AGTPBP1: variants seen among roughly 807,000 people sequenced by gnomAD.
AGTPBP1 encodes the protein cytosolic carboxypeptidase 1.
AGTPBP1 carries 70 observed loss-of-function variants against 143.9 expected under a neutral mutation model. That is an observed-to-expected ratio of 0.49 (90% CI 0.40 to 0.59). AGTPBP1 has a LOEUF of 0.59. AGTPBP1 is among the 20% of genes least tolerant of loss of function. The pLI, the probability that AGTPBP1 is intolerant of heterozygous loss-of-function variation, is 0.00. For missense variants in AGTPBP1, 1,229 were observed against 1,464.5 expected, an observed-to-expected ratio of 0.84 and a Z score of 2.62; for synonymous variants, 463 against 500.2, an observed-to-expected ratio of 0.93 and a Z score of 0.99.
chr9:85,663,987 T>C (rs542625406), intron 8 of AGTPBP1, among the ~76,000 whole-genome samples: 15 of 152,136 alleles, frequency 9.9e-5, no homozygotes, highest in African/African-American at 3.6e-4. Context: ...AAGGAATAAA[T>C]TTTTGATATG....
At position 85,741,763 on chromosome 9, in the gene AGTPBP1, C is replaced by A; in HGVS notation, c.-34+12G>T. 7.6e-7 allele frequency: 1 copy of A among 1,324,480 alleles called. No homozygotes were observed. Among genetic ancestry groups the A allele is most frequent in the Non-Finnish European group, 9.6e-7 (1 of 1,040,482 alleles). 82.0% of individuals were successfully genotyped at this position (1,324,480 alleles called of 1,614,324 possible). On this transcript the variant is annotated intron_variant, in intron 1 of 25. Coordinates refer to ENST00000357081, the MANE Select transcript of AGTPBP1 (RefSeq NM_001330701.2). ...GCCGGCCGGGACATGAGGACTGCAG[C>A]AGGGCGCTCACCGGCTCAGGATGGG...
intron 1 of AGTPBP1, among the ~76,000 whole-genome samples, chr9:85,728,560 A>T (rs1208463614): frequency 1.3e-5 from 2 of 152,214 alleles, no homozygotes; most frequent in Non-Finnish European, 2.9e-5. Flanking sequence ...GCAAGGAGGA[A>T]CTGTCTCATG....
At chr9:85,623,592 C>T (rs1410196606) in intron 14 of AGTPBP1, among the ~76,000 whole-genome samples, 2 of 151,930 alleles carry the variant, frequency 1.3e-5, no homozygotes, top group African/African-American at 4.8e-5. Context: ...CCCATCTCTA[C>T]TAAAAAATAC....
At chr9:85,736,448 C>T (rs1483317974) in intron 1 of AGTPBP1, among the ~76,000 whole-genome samples, 1 of 152,136 alleles carries the variant, frequency 6.6e-6, no homozygotes, top group Non-Finnish European at 1.5e-5. Flanking sequence ...ATCCTCCTGG[C>T]TATTCGAAAG....
At chr9:85,600,324 C>T (rs1444246662) in intron 17 of AGTPBP1, among the ~76,000 whole-genome samples, 2 of 152,092 alleles carry the variant, frequency 1.3e-5, no homozygotes, top group African/African-American at 4.8e-5. Context: ...CACCATAACA[C>T]AAAACTCATT....
At position 85,693,547 on chromosome 9, in the gene AGTPBP1, G is replaced by A. The variant is rs143016097; in HGVS notation, c.33-734C>T. Among the ~76,000 whole-genome samples, 300 of 152,244 alleles carry A rather than the reference G, an allele frequency of 2.0e-3. 2 individuals are homozygous for A. The East Asian group carries it at 0.024, about 12-fold the overall frequency. On this transcript the variant is annotated intron_variant, in intron 2 of 25. Transcript: ENST00000357081. ...CAGGAGGCGGAGGTTGCAGTGAGCT[G>A]AGATCATGCCATTGCACTCCAGCCT... is the stretch of plus-strand genomic sequence containing the variant.
chr9:85,790,439 T>C, the AGTPBP1 span, among the ~76,000 whole-genome samples: 1 of 152,194 alleles, frequency 6.6e-6, no homozygotes, highest in Non-Finnish European at 1.5e-5. Context: ...CCCTGGAATG[T>C]ACTGCATACA....
chr9:85,677,281 TATC>T (rs1165193138), intron 6 of AGTPBP1, among the ~76,000 whole-genome samples, 152 bp downstream of exon 6: 1 of 152,196 alleles, frequency 6.6e-6, no homozygotes, highest in African/African-American at 2.4e-5. Context: ...TTTATCAAAA[TATC>T]ATGTGTACCC....
At chr9:85,580,193 C>T (rs1456457030) in intron 23 of AGTPBP1, among the ~76,000 whole-genome samples, 3 of 149,892 alleles carry the variant, frequency 2.0e-5, no homozygotes, top group Non-Finnish European at 4.4e-5. Flanking sequence ...GCCGAGATTG[C>T]ACCATTGCAC....
Position 85,585,586 on chromosome 9 carries a change from A to C in AGTPBP1, c.3042T>G (p.Cys1014Trp). 1 of 1,593,506 alleles carries C rather than the reference A, an allele frequency of 6.3e-7. No homozygotes were observed. Among genetic ancestry groups the C allele is most frequent in the East Asian group, 2.3e-5 (1 of 44,366 alleles). Residue 1014 changes from cysteine (C) to tryptophan (W), a missense_variant, in exon 23 of 26, where the codon TGT becomes TGG. Physicochemically the swap from Cys to Trp is radical, Grantham distance 215 (BLOSUM62 -2). Coordinates refer to ENST00000357081, the MANE Select transcript of AGTPBP1 (RefSeq NM_001330701.2). ...TCTTTCGGGAATGGCCATGATAATC[A>C]CAATAAACCTTGAAAATATATATTT... The part of the protein sequence containing the change: ...AAVKRLPLVY[C>W]DYHGHSRKKN...
intron 2 of AGTPBP1, among the ~76,000 whole-genome samples, chr9:85,705,531 A>G (rs1836930273): frequency 6.6e-6 from 1 of 152,164 alleles, no homozygotes; most frequent in Non-Finnish European, 1.5e-5. Flanking sequence ...AAAGAAAAAA[A>G]GAAGTAGAAA....
chr9:85,630,056 C>T (rs138812438), intron 14 of AGTPBP1, among the ~76,000 whole-genome samples: 161 of 152,264 alleles, frequency 1.1e-3, no homozygotes, highest in Middle Eastern at 3.4e-3. Flanking sequence ...GCTTAAAGAG[C>T]ACTTAAAATT....
chr9:85,567,832 A>G (rs1004601986), intron 25 of AGTPBP1, among the ~76,000 whole-genome samples: 13 of 152,226 alleles, frequency 8.5e-5, no homozygotes, highest in Non-Finnish European at 1.5e-4. Flanking sequence ...GAATTCTAGA[A>G]GAACAGAATA....
At chr9:85,592,323 G>A (rs1419292982) in intron 19 of AGTPBP1, among the ~76,000 whole-genome samples, 15 of 151,602 alleles carry the variant, frequency 9.9e-5, no homozygotes, top group Admixed American at 9.9e-4. Flanking sequence ...AAATACTGTA[G>A]TATTTTCCAA....
At chr9:85,747,696 T>C in the AGTPBP1 span, among the ~76,000 whole-genome samples, 6 of 152,266 alleles carry the variant, frequency 3.9e-5, no homozygotes, top group African/African-American at 1.4e-4. Context: ...GAGTATGAGT[T>C]TAATTGCAGC....
intron 25 of AGTPBP1, among the ~76,000 whole-genome samples, chr9:85,565,496 G>A (rs929803662): frequency 6.6e-6 from 1 of 152,032 alleles, no homozygotes; most frequent in Non-Finnish European, 1.5e-5. Flanking sequence ...TTCACATTAC[G>A]ACCAGGAAAT....
At chr9:85,583,671 T>C (rs573250439) in intron 23 of AGTPBP1, among the ~76,000 whole-genome samples, 8 of 152,230 alleles carry the variant, frequency 5.3e-5, no homozygotes, top group African/African-American at 1.7e-4. Context: ...TCTCTTACAA[T>C]GGAAAAACTG....
intron 3 of AGTPBP1, among the ~76,000 whole-genome samples, chr9:85,692,049 A>C (rs1230837860): frequency 6.6e-6 from 1 of 152,164 alleles, no homozygotes; most frequent in Non-Finnish European, 1.5e-5. Context: ...GTAGAGCCTG[A>C]ATTTCAAAGT....
intron 23 of AGTPBP1, among the ~76,000 whole-genome samples, chr9:85,580,466 C>A (rs548284216): frequency 1.3e-5 from 2 of 151,408 alleles, no homozygotes; most frequent in South Asian, 2.1e-4. Flanking sequence ...GTCCCGGGTT[C>A]AAGCCATTAT....
Sources: gnomAD v4.1 joint callset for allele counts (sites outside exome capture counted in the v4.1 genomes callset) on GRCh38, gnomAD v4.1.1 for gene constraint, MANE v1.5 for transcripts, NCBI Gene and HGNC (gene_info 2026-07-23, HGNC 2026-07-21) for gene names.